Variants in EPB41L4B observed in about 807,000 individuals in gnomAD.
The protein encoded by EPB41L4B is band 4.1-like protein 4B.
A neutral mutation model predicts 112.5 loss-of-function variants in EPB41L4B; 30 were observed. The observed-to-expected ratio is 0.27, with a 90% confidence interval of 0.20 to 0.36. The LOEUF is 0.36. EPB41L4B is among the 10% of genes least tolerant of loss of function. The pLI, the probability that EPB41L4B is intolerant of heterozygous loss-of-function variation, is 1.00. For missense variants in EPB41L4B, 1,024 were observed against 1,133.3 expected, an observed-to-expected ratio of 0.90 and a Z score of 1.38; for synonymous variants, 408 against 439.7, an observed-to-expected ratio of 0.93 and a Z score of 0.90.
At chr9:109,249,049 A>C (rs1834673345) in intron 13 of EPB41L4B, among the ~76,000 whole-genome samples, 2 of 82,730 alleles carry the variant, frequency 2.4e-5, no homozygotes, top group Admixed American at 3.1e-4. Context: ...ACAGAGCGAG[A>C]CTCCATCTCA....
intron 15 of EPB41L4B, among the ~76,000 whole-genome samples, chr9:109,220,792 CGTGTGT>C (rs146485129): frequency 0.071 from 10,836 of 151,724 alleles, 445 homozygotes; most frequent in African/African-American, 0.11. Flanking sequence ...TGTGTGTGTG[CGTGTGT>C]GTGTGTAAGA....
chr9:109,252,401 C>T (rs990986429), intron 12 of EPB41L4B, among the ~76,000 whole-genome samples: 3 of 152,180 alleles, frequency 2.0e-5, no homozygotes, highest in African/African-American at 4.8e-5. Flanking sequence ...ATCAACCCAT[C>T]GCCCTTCTCT....
Position 109,185,608 on chromosome 9 carries a change from G to A in EPB41L4B, c.2302-3C>T, listed in dbSNP as rs1832230147. On this transcript the variant is annotated splice_region_variant and splice_polypyrimidine_tract_variant and intron_variant, in intron 22 of 25. Coordinates refer to ENST00000374566, the MANE Select transcript of EPB41L4B (RefSeq NM_019114.5). Reference sequence around the variant, plus strand: ...TGGGGGTTGCTGGCGGGCTCTGCCTGCTCACGAGGAGAGGAGAGAAGGGGA... The same window carrying A: ...TGGGGGTTGCTGGCGGGCTCTGCCTACTCACGAGGAGAGGAGAGAAGGGGA... The A allele has an allele frequency of 6.2e-7, 1 of 1,603,636 alleles. No homozygotes were observed. Among genetic ancestry groups the A allele is most frequent in the Non-Finnish European group, 8.5e-7 (1 of 1,174,520 alleles).
At chr9:109,299,590 T>C (rs1279928498) in intron 1 of EPB41L4B, among the ~76,000 whole-genome samples, 4 of 147,024 alleles carry the variant, frequency 2.7e-5, no homozygotes, top group African/African-American at 1.1e-4. Flanking sequence ...GTGCAGCAAG[T>C]TTTGTTTTGT....
rs544673820 is a variant in EPB41L4B at position 109,284,994 on chromosome 9, T to C, written c.307-5073A>G. Among the ~76,000 whole-genome samples the C allele has an allele frequency of 2.2e-4, 34 of 152,360 alleles. No homozygotes were observed. In the East Asian group the frequency reaches 5.8e-3, roughly 26 times the overall value. ...AGGAGGAAGCAAGAAACCTGTGCTC[T>C]AGTCCCAGATGCACCACCAACTGCG... On this transcript the variant is annotated intron_variant, in intron 1 of 25. Transcript: ENST00000374566.
At chr9:109,178,492 C>G (rs1025937552) in intron 24 of EPB41L4B, among the ~76,000 whole-genome samples, 1 of 151,946 alleles carries the variant, frequency 6.6e-6, no homozygotes, top group African/African-American at 2.4e-5. Context: ...TCTCCTGCCT[C>G]AGCCTCCTGA....
intron 1 of EPB41L4B, among the ~76,000 whole-genome samples, chr9:109,284,716 A>G (rs528088374): frequency 5.8e-4 from 88 of 152,308 alleles, no homozygotes; most frequent in South Asian, 1.5e-3. Context: ...CTTCTCCCCA[A>G]GTTTTAACAG....
At chr9:109,243,793 G>T in intron 14 of EPB41L4B, 111 bp from the exon 15 acceptor site, 1 of 1,040,062 alleles carries the variant, frequency 9.6e-7, no homozygotes, top group Non-Finnish European at 1.5e-6. Context: ...ACTAAGAATG[G>T]AAAGGCTATA....
intron 1 of EPB41L4B, among the ~76,000 whole-genome samples, chr9:109,308,158 G>A (rs945281379): frequency 6.6e-6 from 1 of 152,066 alleles, no homozygotes; most frequent in African/African-American, 2.4e-5. Context: ...AGGAGAGACA[G>A]AATGGGTTCA....
chr9:109,300,971 A>G (rs951539745), intron 1 of EPB41L4B: 1 of 152,198 alleles, frequency 6.6e-6, no homozygotes, highest in Non-Finnish European at 1.5e-5. Flanking sequence ...TCACTCAAGA[A>G]CTAACAAAAA....
chr9:109,320,126 G>A lies in EPB41L4B; in HGVS notation c.306+15C>T, dbSNP rs1227639971. 6.9e-7 allele frequency: 1 copy of A among 1,441,780 alleles called. No homozygotes were observed. The highest frequency in any genetic ancestry group is 1.4e-5 in the South Asian group (1 of 70,076). The allele number at this position is 1,441,780 out of a possible 1,614,324, so 89.3% of individuals were successfully genotyped here. On this transcript the variant is annotated intron_variant, in intron 1 of 25. Transcript: ENST00000374566. The stretch of plus-strand genomic sequence containing the variant: ...GCGCGAGGTGCCAGTGCCCCAGACT[G>A]GCCCCGTCACTCACCGGCAGGTCCA...
chr9:109,202,429 A>AC (rs1293808097), intron 19 of EPB41L4B, among the ~76,000 whole-genome samples: 1 of 152,194 alleles, frequency 6.6e-6, no homozygotes, highest in Non-Finnish European at 1.5e-5. Flanking sequence ...ACTGGCACCC[A>AC]CCAAACACCC....
chr9:109,181,334 C>A (rs1054419653), intron 24 of EPB41L4B, among the ~76,000 whole-genome samples: 3 of 152,138 alleles, frequency 2.0e-5, no homozygotes, highest in Non-Finnish European at 4.4e-5. Context: ...CAGTGACACC[C>A]AGAGAGGTGG....
intron 15 of EPB41L4B, among the ~76,000 whole-genome samples, chr9:109,218,126 C>CTTTTTTTTTTTTTTTTTTTTT (rs10654240): frequency 9.4e-6 from 1 of 106,556 alleles, no homozygotes; most frequent in African/African-American, 3.8e-5. Flanking sequence ...ACTAATAATT[C>CTTTTTTTTTTTTTTTTTTTTT]TTTTTTTTTT....
intron 6 of EPB41L4B, among the ~76,000 whole-genome samples, chr9:109,260,261 G>C (rs1483726590): frequency 1.3e-5 from 2 of 151,946 alleles, no homozygotes; most frequent in East Asian, 1.9e-4. Flanking sequence ...GTAGAGACAG[G>C]GTTTTGCCAT....
intron 15 of EPB41L4B, among the ~76,000 whole-genome samples, chr9:109,228,174 A>C (rs1292330106): frequency 6.6e-6 from 1 of 152,206 alleles, no homozygotes; most frequent in East Asian, 1.9e-4. Context: ...AGTTTCTGAT[A>C]AATTCTACTT....
intron 1 of EPB41L4B, among the ~76,000 whole-genome samples, chr9:109,295,332 C>T (rs927786618): frequency 6.6e-6 from 1 of 152,074 alleles, no homozygotes; most frequent in Non-Finnish European, 1.5e-5. Context: ...ATTTTTATCC[C>T]TTAGAAGATT....
At position 109,183,668 on chromosome 9, in the gene EPB41L4B, G is replaced by A. The variant is rs554927887; in HGVS notation, c.2419-871C>T. Among the ~76,000 whole-genome samples the A allele has an allele frequency of 3.3e-5, 5 of 152,276 alleles. No individual in the cohort carries two copies. The East Asian group carries it at 9.7e-4, about 29-fold the overall frequency. The stretch of plus-strand genomic sequence containing the variant: ...TGACACCAGCTTTGTGCACATTCCT[G>A]GGGGACAGAAACTGTCTGCACACCT... On this transcript the variant is annotated intron_variant, in intron 23 of 25. Coordinates refer to ENST00000374566, the MANE Select transcript of EPB41L4B (RefSeq NM_019114.5).
rs1031120288 is a variant in EPB41L4B, at chr9:109,320,540, G to C, written c.-94C>G. 310 of 736,612 alleles carry C rather than the reference G, an allele frequency of 4.2e-4. 2 individuals carry two copies. In the African/African-American group the frequency reaches 5.6e-3, roughly 13 times the overall value. 45.6% of individuals were successfully genotyped at this position (736,612 alleles called of 1,614,324 possible). A position where few individuals can be genotyped will look rare whatever the true frequency, so the allele number is the denominator to read the frequency against. ...CCGCCCGGGAGCGTCCCGCGACGCC[G>C]TCAGTGCCCTCGGCCGCCCGCGCCG... On this transcript the variant is annotated 5_prime_UTR_variant, in exon 1 of 26. Coordinates refer to ENST00000374566, the MANE Select transcript of EPB41L4B (RefSeq NM_019114.5).
Sources: gnomAD v4.1 joint callset for allele counts (sites outside exome capture counted in the v4.1 genomes callset) on GRCh38, gnomAD v4.1.1 for gene constraint, MANE v1.5 for transcripts, NCBI Gene and HGNC (gene_info 2026-07-23, HGNC 2026-07-21) for gene names.